The following PCP4 variants were observed in gnomAD, a reference collection of about 807,000 sequenced individuals.
The protein encoded by PCP4 is calmodulin regulator protein PCP4.
A neutral mutation model predicts 10.0 loss-of-function variants in PCP4; 8 were observed. That is an observed-to-expected ratio of 0.80 (90% CI 0.47 to 1.45). The LOEUF is 1.45. PCP4 is among the 40% of genes most tolerant of loss of function. The probability of loss-of-function intolerance (pLI) is 0.00; values close to 1 mark genes in which losing one functional copy is unlikely to be tolerated. For missense variants in PCP4, 54 were observed against 74.4 expected (o/e 0.73, Z 1.01); for synonymous variants, 21 against 23.0 (o/e 0.91, Z 0.24).
Position 39,906,229 on chromosome 21 carries a change from C to T in PCP4, c.61+7702C>T, listed in dbSNP as rs1345778973. ...AAACACACCAGGTTGTCTCTATTTA[C>T]ACTTTCTCCTGACTTCCCTCTTGAC... On this transcript the variant is annotated intron_variant, in intron 2 of 2. Transcript: ENST00000328619. The surrounding 1 kb of genome is among the most constrained non-coding windows in gnomAD (Gnocchi z 6.3). Among the ~76,000 whole-genome samples, 1 of 152,214 alleles carries T rather than the reference C, an allele frequency of 6.6e-6. No individual in the cohort carries two copies. Among genetic ancestry groups the T allele is most frequent in the African/African-American group, 2.4e-5 (1 of 41,458 alleles).
intron 1 of PCP4, among the ~76,000 whole-genome samples, chr21:39,870,593 C>T (rs1309757201): frequency 6.6e-6 from 1 of 152,210 alleles, no homozygotes; most frequent in East Asian, 1.9e-4. Flanking sequence ...CAGTCAGTCC[C>T]ACGTTCTCCT....
chr21:39,924,832 GC>G (rs1392850942), intron 2 of PCP4, among the ~76,000 whole-genome samples: 1 of 152,182 alleles, frequency 6.6e-6, no homozygotes, highest in Admixed American at 6.5e-5. Flanking sequence ...ACCACACCTG[GC>G]CCCGGGTTTT....
At chr21:39,903,879 A>AAC (rs1485039788) in intron 2 of PCP4, among the ~76,000 whole-genome samples, 4 of 142,394 alleles carry the variant, frequency 2.8e-5, no homozygotes, top group Non-Finnish European at 4.6e-5. Flanking sequence ...AAAAAAACAA[A>AAC]AAAAAAAAAA....
chr21:39,904,462 G>A (rs1461389275), intron 2 of PCP4, among the ~76,000 whole-genome samples: 1 of 152,238 alleles, frequency 6.6e-6, no homozygotes. Context: ...AACTGATGTT[G>A]AGTCCAGGAA....
At chr21:39,878,718 A>G (rs1345351837) in intron 1 of PCP4, among the ~76,000 whole-genome samples, 2 of 152,206 alleles carry the variant, frequency 1.3e-5, no homozygotes, top group Non-Finnish European at 2.9e-5. Flanking sequence ...GAGAGTATCT[A>G]TCCGTGCTTG....
At chr21:39,887,358 T>C (rs1220860879) in intron 1 of PCP4, among the ~76,000 whole-genome samples, 2 of 89,782 alleles carry the variant, frequency 2.2e-5, no homozygotes, top group Admixed American at 1.9e-4. Context: ...GTTTTTTGGT[T>C]TTTTTTTTTT....
At chr21:39,874,006 C>T (rs149516749) in intron 1 of PCP4, among the ~76,000 whole-genome samples, 1 of 152,144 alleles carries the variant, frequency 6.6e-6, no homozygotes, top group Admixed American at 6.5e-5. Flanking sequence ...AATCAATCAC[C>T]CACTAAATGC....
chr21:39,887,650 C>T (rs2087406981), intron 1 of PCP4, among the ~76,000 whole-genome samples: 1 of 152,172 alleles, frequency 6.6e-6, no homozygotes, highest in South Asian at 2.1e-4. Context: ...TGGCCTCAAG[C>T]AGTCTTCAGC....
intron 1 of PCP4, among the ~76,000 whole-genome samples, chr21:39,890,350 C>T (rs1047313219): frequency 6.6e-6 from 1 of 151,926 alleles, no homozygotes; most frequent in East Asian, 1.9e-4. Context: ...TTTAATATTT[C>T]GTTATCTATT....
intron 2 of PCP4, among the ~76,000 whole-genome samples, chr21:39,925,297 G>A (rs1467563603): frequency 1.3e-5 from 2 of 152,140 alleles, no homozygotes; most frequent in African/African-American, 2.4e-5. Flanking sequence ...ACAAGGACTC[G>A]CCTCACAGAC....
chr21:39,876,973 G>T lies in PCP4; in HGVS notation c.9+9463G>T, dbSNP rs78576367. On this transcript the variant is annotated intron_variant, in intron 1 of 2. Coordinates refer to ENST00000328619, the MANE Select transcript of PCP4 (RefSeq NM_006198.3). ...ACTTAGAATTCAGGGAATCAGAGAAGGGCATCGTTGTCATTTCATTCAAAG... is the reference window on the plus strand; with the variant it reads ...ACTTAGAATTCAGGGAATCAGAGAATGGCATCGTTGTCATTTCATTCAAAG... Among the ~76,000 whole-genome samples, 389 of 152,328 alleles carry T rather than the reference G, an allele frequency of 2.6e-3. 3 individuals carry two copies. Among genetic ancestry groups the T allele is most frequent in the African/African-American group, 8.9e-3 (370 of 41,572 alleles).
At chr21:39,893,924 C>A (rs1291284060) in intron 1 of PCP4, among the ~76,000 whole-genome samples, 1 of 152,158 alleles carries the variant, frequency 6.6e-6, no homozygotes, top group African/African-American at 2.4e-5. Flanking sequence ...CTGGCTTGAG[C>A]ACCAGGGACG....
chr21:39,926,122 A>T (rs1443190404), intron 2 of PCP4: 1 of 454,446 alleles, frequency 2.2e-6, no homozygotes, highest in Non-Finnish European at 4.4e-6. Context: ...CTCTAACAGC[A>T]TCTGACCTTC....
At position 39,882,538 on chromosome 21, in the gene PCP4, C is replaced by T. The variant is rs767200588; in HGVS notation, c.9+15028C>T. ...TTCTCTGTGGCCGGTTTTTGTAATC[C>T]GGGAAGACCCCATGTGGGTTTTCTG... On this transcript the variant is annotated intron_variant, in intron 1 of 2. Coordinates refer to ENST00000328619, the MANE Select transcript of PCP4 (RefSeq NM_006198.3). Among the ~76,000 whole-genome samples the T allele has an allele frequency of 1.2e-4, 19 of 152,268 alleles. No homozygotes were observed. The Middle Eastern group carries it at 0.014, about 109-fold the overall frequency.
chr21:39,868,075 G>A (rs958887071), intron 1 of PCP4, among the ~76,000 whole-genome samples: 14 of 152,108 alleles, frequency 9.2e-5, no homozygotes, highest in African/African-American at 3.1e-4. Flanking sequence ...GACCGGAGGC[G>A]GCCCCGGCAG....
chr21:39,906,565 TC>T lies in PCP4; in HGVS notation c.61+8042del, dbSNP rs35289938. On this transcript the variant is annotated intron_variant, in intron 2 of 2. Coordinates refer to ENST00000328619, the MANE Select transcript of PCP4 (RefSeq NM_006198.3). The surrounding 1 kb of genome is among the most constrained non-coding windows in gnomAD (Gnocchi z 6.3). ...CTTCCTTCCTTCCGCTCCTCCTTCT[TC>T]CCCTTCCTTCCCCCTTTCCTTCCCT... Among the ~76,000 whole-genome samples the T allele has an allele frequency of 6.6e-6, 1 of 151,772 alleles. No individual in the cohort carries two copies. Among genetic ancestry groups the T allele is most frequent in the African/African-American group, 2.4e-5 (1 of 41,310 alleles).
intron 2 of PCP4, chr21:39,926,196 G>T: frequency 2.8e-6 from 1 of 352,140 alleles, no homozygotes; most frequent in Non-Finnish European, 5.8e-6. Context: ...TTAAATGTTA[G>T]TGGTTTCTTT....
At chr21:39,872,156 G>A (rs1391502969) in intron 1 of PCP4, among the ~76,000 whole-genome samples, 3 of 152,022 alleles carry the variant, frequency 2.0e-5, no homozygotes, top group Non-Finnish European at 2.9e-5. Context: ...CTACCACCAC[G>A]CCCAGCTAAT....
chr21:39,925,852 G>A (rs1158901541), intron 2 of PCP4, among the ~76,000 whole-genome samples: 1 of 152,156 alleles, frequency 6.6e-6, no homozygotes, highest in African/African-American at 2.4e-5. Context: ...AACCTTGGCA[G>A]GCTCCAAGGC....
Sources: gnomAD v4.1 joint callset for allele counts (sites outside exome capture counted in the v4.1 genomes callset) on GRCh38, gnomAD v4.1.1 for gene constraint, Gnocchi (gnomAD v3.1) non-coding constraint, MANE v1.5 for transcripts, NCBI Gene and HGNC (gene_info 2026-07-23, HGNC 2026-07-21) for gene names.